LTAP1: variants seen among roughly 807,000 people sequenced by gnomAD.
The protein encoded by LTAP1 is lipid transport auxiliary protein 1, also known as HCV NS5A-transactivated protein 4.
At chr1:154,213,703 T>A in the LTAP1 span, among the ~76,000 whole-genome samples, 1 of 152,190 alleles carries the variant, frequency 6.6e-6, no homozygotes, top group Admixed American at 6.5e-5. Flanking sequence ...CCCAGACTCT[T>A]TGGAGAATAA....
At chr1:154,212,478 T>C in the LTAP1 span, 8 of 1,614,162 alleles carry the variant, frequency 5.0e-6, no homozygotes, top group East Asian at 2.2e-5. Context: ...TAGCGGGCTG[T>C]TTCATAGCCA....
the LTAP1 span, chr1:154,214,392 G>T: frequency 9.2e-7 from 1 of 1,084,042 alleles, no homozygotes; most frequent in Non-Finnish European, 1.4e-6. Context: ...TGACAACTCT[G>T]AGAGAAAAGG....
chr1:154,218,776 A>G, the LTAP1 span, among the ~76,000 whole-genome samples: 2 of 152,230 alleles, frequency 1.3e-5, no homozygotes, highest in Non-Finnish European at 2.9e-5. Context: ...GCATTCTTGA[A>G]GCTTACGGTC....
At chr1:154,217,098 C>T in the LTAP1 span, among the ~76,000 whole-genome samples, 1 of 152,040 alleles carries the variant, frequency 6.6e-6, no homozygotes, top group Non-Finnish European at 1.5e-5. Context: ...AGGCACACAC[C>T]GCCACGCCCA....
the LTAP1 span, chr1:154,212,077 G>A: frequency 1.1e-5 from 5 of 457,728 alleles, no homozygotes; most frequent in Non-Finnish European, 1.6e-5. Flanking sequence ...GGCTGGTCTC[G>A]GATTCCCAAC....
the LTAP1 span, chr1:154,220,279 C>CA: frequency 6.3e-6 from 10 of 1,591,268 alleles, no homozygotes; most frequent in Non-Finnish European, 8.6e-6. Context: ...GGGTACAGCT[C>CA]AAAAGGAGGG....
chr1:154,207,646 A>G, the LTAP1 span: 4 of 1,597,686 alleles, frequency 2.5e-6, no homozygotes, highest in African/African-American at 5.4e-5. Context: ...TCGTGCTTTA[A>G]CCCTGAAGAA....
At chr1:154,210,670 G>C in the LTAP1 span, among the ~76,000 whole-genome samples, 18 of 151,860 alleles carry the variant, frequency 1.2e-4, no homozygotes, top group African/African-American at 4.4e-4. Flanking sequence ...GTAGAGATGG[G>C]GTTTCACCAT....
chr1:154,219,164 A>G, the LTAP1 span, among the ~76,000 whole-genome samples: 1 of 152,206 alleles, frequency 6.6e-6, no homozygotes, highest in Non-Finnish European at 1.5e-5. Context: ...TCTGATTCAC[A>G]AATGTTGGGT....
At chr1:154,219,283 C>A in the LTAP1 span, among the ~76,000 whole-genome samples, 33 of 152,286 alleles carry the variant, frequency 2.2e-4, no homozygotes, top group Non-Finnish European at 2.5e-4. Flanking sequence ...TCATCTGTAG[C>A]TAAAGCCAAG....
chr1:154,219,106 C>G, the LTAP1 span, among the ~76,000 whole-genome samples: 1 of 152,036 alleles, frequency 6.6e-6, no homozygotes, highest in Non-Finnish European at 1.5e-5. Context: ...TACTTAGAAG[C>G]GAAAGACTAA....
chr1:154,214,351 C>T, the LTAP1 span: 10 of 743,374 alleles, frequency 1.3e-5, no homozygotes, highest in Non-Finnish European at 2.3e-5. Flanking sequence ...TATCCAATAA[C>T]AGGAATAACT....
chr1:154,206,830 T>C, the LTAP1 span: 8 of 155,496 alleles, frequency 5.1e-5, no homozygotes, highest in Non-Finnish European at 9.9e-5. Flanking sequence ...TGGCAGATTA[T>C]ATCAGGTGCC....
the LTAP1 span, chr1:154,212,625 C>T: frequency 1.2e-6 from 2 of 1,613,860 alleles, no homozygotes; most frequent in Non-Finnish European, 1.7e-6. Flanking sequence ...AATGGGATCT[C>T]TGTGGAGAAA....
chr1:154,219,707 AG>A, the LTAP1 span: 5 of 711,796 alleles, frequency 7.0e-6, no homozygotes, highest in Non-Finnish European at 1.2e-5. Context: ...TGCTCAACTT[AG>A]TAAGTACAAG....
chr1:154,207,490 A>C, the LTAP1 span: 1 of 1,614,090 alleles, frequency 6.2e-7, no homozygotes, highest in Non-Finnish European at 8.5e-7. Flanking sequence ...GTTATCCTTA[A>C]AGCTCTTCAA....
chr1:154,208,200 T>C, the LTAP1 span, among the ~76,000 whole-genome samples: 2 of 151,910 alleles, frequency 1.3e-5, no homozygotes, highest in East Asian at 1.9e-4. Context: ...CCAGGGGAGT[T>C]TGAGACCAGT....
the LTAP1 span, chr1:154,220,390 G>A: frequency 3.7e-6 from 6 of 1,614,120 alleles, no homozygotes; most frequent in Non-Finnish European, 4.2e-6. Flanking sequence ...CGGAGAGCCA[G>A]TTACTGCCGG....
chr1:154,218,036 C>G, the LTAP1 span, among the ~76,000 whole-genome samples: 1 of 152,182 alleles, frequency 6.6e-6, no homozygotes, highest in East Asian at 1.9e-4. Flanking sequence ...CTCACATGAT[C>G]TTCTGGCCTC....
Sources: allele counts gnomAD v4.1 joint callset (sites outside exome capture counted in the v4.1 genomes callset), GRCh38; gene constraint gnomAD v4.1.1; transcripts MANE v1.5; gene names NCBI Gene and HGNC (gene_info 2026-07-23, HGNC 2026-07-21).